The following MDGA2 variants were observed in gnomAD, a reference collection of about 807,000 sequenced individuals.
MDGA2 encodes MAM domain-containing glycosylphosphatidylinositol anchor protein 2.
A neutral mutation model predicts 117.8 loss-of-function variants in MDGA2; 40 were observed. The ratio of observed to expected loss-of-function variants is 0.34; its 90% confidence interval spans 0.26 to 0.44. MDGA2 has a LOEUF of 0.44. Ranked by LOEUF, MDGA2 falls within the 20% of genes least tolerant of loss-of-function variation. The pLI, the probability that MDGA2 is intolerant of heterozygous loss-of-function variation, is 1.00. For missense variants in MDGA2, 1,123 were observed against 1,250.6 expected, an observed-to-expected ratio of 0.90 and a Z score of 1.54; for synonymous variants, 452 against 439.0, an observed-to-expected ratio of 1.03 and a Z score of -0.37.
At chr14:46,947,283 G>C (rs557256474) in intron 9 of MDGA2, among the ~76,000 whole-genome samples, 2 of 152,180 alleles carry the variant, frequency 1.3e-5, no homozygotes, top group African/African-American at 4.8e-5. Flanking sequence ...GTTGCACAAA[G>C]TTTAATGTCT....
intron 1 of MDGA2, among the ~76,000 whole-genome samples, chr14:47,391,416 C>T (rs545957328): frequency 9.2e-5 from 14 of 152,256 alleles, no homozygotes; most frequent in African/African-American, 2.6e-4. Flanking sequence ...CTCTAAGAAA[C>T]GGGATGATCC....
intron 10 of MDGA2, among the ~76,000 whole-genome samples, chr14:46,915,205 A>T (rs768072817): frequency 1.2e-4 from 19 of 152,158 alleles, no homozygotes; most frequent in Non-Finnish European, 1.9e-4. Flanking sequence ...TCTTTATCCA[A>T]AGGTGATTTT....
intron 1 of MDGA2, among the ~76,000 whole-genome samples, chr14:47,419,005 G>A (rs1336340687): frequency 6.6e-6 from 1 of 152,136 alleles, no homozygotes; most frequent in African/African-American, 2.4e-5. Context: ...TTAAATGGAG[G>A]TTAAATTTAA....
intron 1 of MDGA2, among the ~76,000 whole-genome samples, chr14:47,498,789 G>A (rs1256604061): frequency 1.3e-5 from 2 of 152,076 alleles, no homozygotes; most frequent in Non-Finnish European, 2.9e-5. Flanking sequence ...AAAAGGAAAA[G>A]CATATAGTAC....
chr14:46,925,557 G>A (rs1253008203), intron 9 of MDGA2, among the ~76,000 whole-genome samples: 12 of 150,018 alleles, frequency 8.0e-5, no homozygotes, highest in South Asian at 2.1e-4. Flanking sequence ...ACTTGAATAC[G>A]GGAGGCAGAG....
chr14:47,086,116 TTTTTG>T (rs1239580559), intron 6 of MDGA2, among the ~76,000 whole-genome samples: 14 of 133,814 alleles, frequency 1.0e-4, no homozygotes, highest in South Asian at 5.3e-4. Flanking sequence ...TGTTTTTTGT[TTTTTG>T]TTTTTTTTTT....
At chr14:46,990,204 G>C (rs1887032295) in intron 8 of MDGA2, among the ~76,000 whole-genome samples, 1 of 151,910 alleles carries the variant, frequency 6.6e-6, no homozygotes, top group South Asian at 2.1e-4. Context: ...CATATATGAA[G>C]CACTTATTAT....
At chr14:47,351,015 G>A (rs905280011) in intron 1 of MDGA2, among the ~76,000 whole-genome samples, 1 of 151,630 alleles carries the variant, frequency 6.6e-6, no homozygotes, top group Non-Finnish European at 1.5e-5. Flanking sequence ...GGATTCAAAC[G>A]ATTCTCCTGC....
At chr14:47,398,502 T>C (rs1488950817) in intron 1 of MDGA2, among the ~76,000 whole-genome samples, 1 of 152,172 alleles carries the variant, frequency 6.6e-6, no homozygotes, top group Non-Finnish European at 1.5e-5. Context: ...AGAAACTATA[T>C]ATTTATACAT....
At position 47,172,339 on chromosome 14, in the gene MDGA2, GCCT is replaced by G. The variant is rs552367160; in HGVS notation, c.596-28068_596-28066del. 3.2e-3 allele frequency among the ~76,000 whole-genome samples: 483 copies of G among 152,196 alleles called. 2 individuals carry two copies. The highest frequency in any genetic ancestry group is 0.011 in the African/African-American group (461 of 41,544). On this transcript the variant is annotated intron_variant, in intron 3 of 16. Transcript: ENST00000399232. Reference sequence around the variant, plus strand: ...CTGGAGATCTCAGAACCGGCAAACTGCCTCCTCAAGTGGGTCCCTGACCCCTGA... The same window carrying G: ...CTGGAGATCTCAGAACCGGCAAACTGCCTCAAGTGGGTCCCTGACCCCTGA...
intron 3 of MDGA2, among the ~76,000 whole-genome samples, chr14:47,190,791 T>A (rs1370895410): frequency 6.6e-6 from 1 of 152,104 alleles, no homozygotes; most frequent in Non-Finnish European, 1.5e-5. Flanking sequence ...CTAAATCAAT[T>A]TTCATTTCAT....
intron 7 of MDGA2, among the ~76,000 whole-genome samples, chr14:47,047,462 G>A (rs779132048): frequency 6.6e-6 from 1 of 152,114 alleles, no homozygotes; most frequent in African/African-American, 2.4e-5. Context: ...CAAGGCTTAT[G>A]TCTGGCTGCC....
intron 1 of MDGA2, among the ~76,000 whole-genome samples, chr14:47,642,573 C>G (rs1051487435): frequency 6.6e-6 from 1 of 152,000 alleles, no homozygotes; most frequent in Admixed American, 6.6e-5. Flanking sequence ...CATATCCTAC[C>G]AAGCAAACAA....
At chr14:47,103,665 A>G (rs1310288067) in intron 5 of MDGA2, among the ~76,000 whole-genome samples, 1 of 152,260 alleles carries the variant, frequency 6.6e-6, no homozygotes, top group Admixed American at 6.5e-5. Flanking sequence ...AATGATTGCA[A>G]AGGCAGAATA....
At chr14:47,015,569 G>A (rs1440970644) in intron 8 of MDGA2, among the ~76,000 whole-genome samples, 1 of 152,086 alleles carries the variant, frequency 6.6e-6, no homozygotes, top group African/African-American at 2.4e-5. Flanking sequence ...GTGTGGAAAA[G>A]TCATGACTGG....
chr14:47,114,984 G>A (rs763120235), intron 5 of MDGA2, among the ~76,000 whole-genome samples: 17 of 146,924 alleles, frequency 1.2e-4, no homozygotes, highest in Non-Finnish European at 2.2e-4. Flanking sequence ...CCTATCATCC[G>A]AGCCAACCTA....
At chr14:47,462,143 C>T (rs939733737) in intron 1 of MDGA2, among the ~76,000 whole-genome samples, 19 of 151,974 alleles carry the variant, frequency 1.3e-4, no homozygotes, top group Non-Finnish European at 1.8e-4. Flanking sequence ...TTTGGGAGGC[C>T]GAGGCGGGTG....
intron 1 of MDGA2, among the ~76,000 whole-genome samples, chr14:47,602,059 G>A (rs1049493900): frequency 6.6e-6 from 1 of 152,064 alleles, no homozygotes; most frequent in African/African-American, 2.4e-5. Context: ...TACAATCTAC[G>A]CTACATTATT....
chr14:47,004,067 T>C (rs889995132), intron 8 of MDGA2, among the ~76,000 whole-genome samples: 1 of 151,934 alleles, frequency 6.6e-6, no homozygotes, highest in Non-Finnish European at 1.5e-5. Flanking sequence ...ATGAAAGATA[T>C]ATATTCAGAA....
Sources: allele counts gnomAD v4.1 joint callset (sites outside exome capture counted in the v4.1 genomes callset), GRCh38; gene constraint gnomAD v4.1.1; transcripts MANE v1.5; gene names NCBI Gene and HGNC (gene_info 2026-07-23, HGNC 2026-07-21).